The following UGT1A3 variants were observed in gnomAD, a reference collection of about 807,000 sequenced individuals.
UGT1A3 encodes UDP-glucuronosyltransferase 1A3.
UGT1A3 carries 31 observed loss-of-function variants against 41.0 expected under a neutral mutation model. The ratio of observed to expected loss-of-function variants is 0.76; its 90% confidence interval spans 0.57 to 1.02. The LOEUF is 1.02. Ranked by LOEUF, UGT1A3 falls within the 50% of genes least tolerant of loss-of-function variation. The pLI is 0.00. For synonymous variants in UGT1A3, 262 were observed against 257.6 expected (o/e 1.02, Z -0.17); for missense variants, 737 against 671.0 (o/e 1.10, Z -1.09).
rs569556369 is a variant in UGT1A3, at chr2:233,768,497, C to G, written c.1307+58C>G. 8 of 1,559,772 alleles carry G rather than the reference C, an allele frequency of 5.1e-6. No individual in the cohort carries two copies. The South Asian group carries it at 9.4e-5, about 18-fold the overall frequency. On this transcript the variant is annotated intron_variant, in intron 4 of 4. Coordinates refer to ENST00000482026, the MANE Select transcript of UGT1A3 (RefSeq NM_019093.4). ...CATGGCATTCATGATAAAATTGTTT[C>G]AAATATGAAAACATTTACGTAGCAT... is the stretch of plus-strand genomic sequence containing the variant.
At chr2:233,743,637 G>A (rs375962177) in intron 1 of UGT1A3, 6 of 1,367,294 alleles carry the variant, frequency 4.4e-6, no homozygotes, top group East Asian at 9.1e-5. Context: ...GCTGGGTCGC[G>A]GAAGCTGAAG....
chr2:233,741,944 G>C (rs570984186), intron 1 of UGT1A3: 2 of 152,018 alleles, frequency 1.3e-5, no homozygotes, highest in African/African-American at 4.8e-5. Context: ...TGTGCCAACA[G>C]AAAGGTACTT....
At position 233,729,260 on chromosome 2, in the gene UGT1A3, G is replaced by A. The variant is rs774974731; in HGVS notation, c.134G>A (p.Arg45Gln). 12 of 1,613,974 alleles carry A rather than the reference G, an allele frequency of 7.4e-6. No homozygotes were observed. The highest frequency in any genetic ancestry group is 4.5e-5 in the East Asian group (2 of 44,896). ...GATGGCAGCCACTGGCTCAGCATGC[G>A]GGAGGTCTTGCGGGAGCTCCATGCC... ...PIDGSHWLSM[R>Q]EVLRELHARG... The change falls in exon 1 of 5, where the codon CGG becomes CAG. Residue 45 changes from arginine to glutamine, a missense_variant. Physicochemically the swap from Arg to Gln is conservative, Grantham distance 43. Transcript: ENST00000482026.
chr2:233,747,315 A>C (rs1575682403), intron 1 of UGT1A3: 2 of 1,603,160 alleles, frequency 1.2e-6, no homozygotes, highest in Non-Finnish European at 1.7e-6. Context: ...TGCTGGTGGT[A>C]CCCATTGATG....
At chr2:233,738,140 C>T (rs975001541) in intron 1 of UGT1A3, among the ~76,000 whole-genome samples, 3 of 152,224 alleles carry the variant, frequency 2.0e-5, no homozygotes, top group African/African-American at 7.2e-5. Context: ...CTTATCCCTT[C>T]ACTTGCAAGC....
At chr2:233,747,254 C>A in intron 1 of UGT1A3, 1 of 1,600,766 alleles carries the variant, frequency 6.2e-7, no homozygotes, top group Admixed American at 1.7e-5. Flanking sequence ...TGGCTGGCCA[C>A]AGGAGTGCTA....
At chr2:233,761,602 T>C (rs529551747) in intron 1 of UGT1A3, among the ~76,000 whole-genome samples, 4 of 152,366 alleles carry the variant, frequency 2.6e-5, no homozygotes, top group African/African-American at 9.6e-5. Flanking sequence ...AGCTCCAGTT[T>C]CTAAATATTC....
intron 1 of UGT1A3, chr2:233,747,762 G>A: frequency 1.2e-6 from 2 of 1,613,366 alleles, no homozygotes; most frequent in South Asian, 2.2e-5. Context: ...AGACTTTAAG[G>A]GCACACAGTG....
At chr2:233,767,365 A>C (rs559747453) in intron 2 of UGT1A3, among the ~76,000 whole-genome samples, 200 bp downstream of exon 2, 45 of 152,316 alleles carry the variant, frequency 3.0e-4, no homozygotes, top group Non-Finnish European at 4.4e-4. Flanking sequence ...ATACTCTATT[A>C]AACTATGATC....
At chr2:233,761,294 G>A in intron 1 of UGT1A3, 1 of 1,510,470 alleles carries the variant, frequency 6.6e-7, no homozygotes, top group East Asian at 2.3e-5. Context: ...TGACTCCTAG[G>A]TTTGAGTCTG....
chr2:233,744,977 C>T (rs528812849), intron 1 of UGT1A3, among the ~76,000 whole-genome samples: 2 of 151,856 alleles, frequency 1.3e-5, no homozygotes, highest in Non-Finnish European at 1.5e-5. Flanking sequence ...CTTTAAGCCT[C>T]TAGTCATCTC....
At chr2:233,768,058 C>A in intron 3 of UGT1A3, 122 bp downstream of exon 3, 3 of 1,601,872 alleles carry the variant, frequency 1.9e-6, no homozygotes, top group Non-Finnish European at 2.6e-6. Context: ...TCCTACATTG[C>A]TTTTTATCTA....
chr2:233,737,385 T>G (rs1256116347), intron 1 of UGT1A3, among the ~76,000 whole-genome samples: 3 of 152,226 alleles, frequency 2.0e-5, no homozygotes, highest in Non-Finnish European at 4.4e-5. Flanking sequence ...AGAATCTCCT[T>G]GTCTGCCAGT....
chr2:233,745,820 G>A (rs894778963), intron 1 of UGT1A3, among the ~76,000 whole-genome samples: 23 of 151,370 alleles, frequency 1.5e-4, no homozygotes, highest in African/African-American at 5.1e-4. Context: ...TGAGAGCAAG[G>A]CAGAGGACTC....
chr2:233,761,493 C>T (rs34652311), intron 1 of UGT1A3, among the ~76,000 whole-genome samples: 4,469 of 152,304 alleles, frequency 0.029, 206 homozygotes, highest in African/African-American at 0.1. Flanking sequence ...TGCACCTTGC[C>T]CTGGATTCAG....
chr2:233,731,467 G>C (rs1024241459), intron 1 of UGT1A3, among the ~76,000 whole-genome samples: 1 of 152,074 alleles, frequency 6.6e-6, no homozygotes, highest in Admixed American at 6.5e-5. Context: ...CCTGGCGTGT[G>C]ATGTTCCCTG....
Position 233,757,558 on chromosome 2 carries a change from A to ATATATATATG in UGT1A3, c.868-9473_868-9472insATATATGTAT, listed in dbSNP as rs1553619909. ...GGAATATATATATATATATATATAT[A>ATATATATATG]TATGTATATATGATATAGCTATAGT... On this transcript the variant is annotated intron_variant, in intron 1 of 4. Transcript: ENST00000482026. 2.4e-5 allele frequency among the ~76,000 whole-genome samples: 3 copies of ATATATATATG among 124,458 alleles called. No homozygotes were observed. In the East Asian group the frequency reaches 6.3e-4, roughly 26 times the overall value. 81.6% of individuals were successfully genotyped at this position (124,458 alleles called of 152,430 possible). A position where few individuals can be genotyped will look rare whatever the true frequency, so the allele number is the denominator to read the frequency against.
intron 1 of UGT1A3, among the ~76,000 whole-genome samples, chr2:233,752,870 C>T (rs896364354): frequency 6.6e-6 from 1 of 152,212 alleles, no homozygotes; most frequent in Non-Finnish European, 1.5e-5. Flanking sequence ...TGTTAGCTTT[C>T]AACTGTTAAA....
chr2:233,754,442 A>C (rs1695486969), intron 1 of UGT1A3: 2 of 350,172 alleles, frequency 5.7e-6, no homozygotes, highest in African/African-American at 4.3e-5. Flanking sequence ...AGTGTTTATA[A>C]ATTCTTGGGT....
Sources: allele counts gnomAD v4.1 joint callset (sites outside exome capture counted in the v4.1 genomes callset), GRCh38; gene constraint gnomAD v4.1.1; transcripts MANE v1.5; gene names NCBI Gene and HGNC (gene_info 2026-07-23, HGNC 2026-07-21).